CACNB2: variants seen among roughly 807,000 people sequenced by gnomAD.
CACNB2 encodes the protein voltage-dependent L-type calcium channel subunit beta-2.
In CACNB2, 42 loss-of-function variants were observed where a neutral mutation model predicts 73.3. The observed-to-expected ratio is 0.57, with a 90% confidence interval of 0.45 to 0.74. The LOEUF is 0.74. Ranked by LOEUF, CACNB2 falls within the 30% of genes least tolerant of loss-of-function variation. The pLI, the probability that CACNB2 is intolerant of heterozygous loss-of-function variation, is 0.00. For missense variants in CACNB2, 940 were observed against 853.0 expected (o/e 1.10, Z -1.27); for synonymous variants, 348 against 310.3 (o/e 1.12, Z -1.28).
At chr10:18,399,592 A>AG (rs2043887256) in intron 2 of CACNB2, among the ~76,000 whole-genome samples, 1 of 152,138 alleles carries the variant, frequency 6.6e-6, no homozygotes, top group South Asian at 2.1e-4. Flanking sequence ...TATGTTGCCC[A>AG]GGCTGGTCTC....
intron 2 of CACNB2, among the ~76,000 whole-genome samples, chr10:18,350,955 A>G (rs950541064): frequency 2.0e-5 from 3 of 152,122 alleles, no homozygotes; most frequent in African/African-American, 7.2e-5. Context: ...TTCTCTAAAC[A>G]AGTAACTTTT....
chr10:18,516,718 C>G (rs1338911738), intron 7 of CACNB2, among the ~76,000 whole-genome samples: 1 of 152,096 alleles, frequency 6.6e-6, no homozygotes, highest in Non-Finnish European at 1.5e-5. Context: ...AAACAACAGC[C>G]TGAGATTCAA....
chr10:18,368,524 G>A (rs951062253), intron 2 of CACNB2, among the ~76,000 whole-genome samples: 1 of 152,100 alleles, frequency 6.6e-6, no homozygotes, highest in Non-Finnish European at 1.5e-5. Flanking sequence ...AACTATTTAA[G>A]AGTTGCATTT....
At chr10:18,204,423 T>C (rs1383770765) in intron 2 of CACNB2, among the ~76,000 whole-genome samples, 2 of 152,260 alleles carry the variant, frequency 1.3e-5, no homozygotes, top group Non-Finnish European at 2.9e-5. Flanking sequence ...ATTGTGCCTT[T>C]GTTAACCAGG....
rs577163890 is a variant in CACNB2 at position 18,218,948 on chromosome 10, G to C, written c.213+67973G>C. Among the ~76,000 whole-genome samples the C allele has an allele frequency of 5.9e-5, 9 of 152,320 alleles. No homozygotes were observed. In the East Asian group the frequency reaches 9.6e-4, roughly 16 times the overall value. On this transcript the variant is annotated intron_variant, in intron 2 of 13. Transcript: ENST00000324631. ...GTAGGCTGAAGCAGAAGGATCTCTT[G>C]AGCCCAGGAGTTTAAGACCGGCCTG...
At chr10:18,454,667 G>T (rs948544043) in intron 3 of CACNB2, among the ~76,000 whole-genome samples, 6 of 152,194 alleles carry the variant, frequency 3.9e-5, no homozygotes, top group Non-Finnish European at 8.8e-5. Context: ...AATGTCAATG[G>T]ACTGTGTAGT....
chr10:18,485,914 ATTT>A (rs11317567), intron 3 of CACNB2, among the ~76,000 whole-genome samples: 21 of 138,502 alleles, frequency 1.5e-4, no homozygotes, highest in African/African-American at 3.7e-4. Context: ...GATCTGGGTC[ATTT>A]TTTTTTTTTT....
chr10:18,533,693 T>C (rs1369210105), intron 10 of CACNB2, among the ~76,000 whole-genome samples: 1 of 152,212 alleles, frequency 6.6e-6, no homozygotes, highest in Non-Finnish European at 1.5e-5. Flanking sequence ...AAACCTGTCA[T>C]GGTTGCTAAT....
At chr10:18,329,746 T>A (rs1359347150) in intron 2 of CACNB2, among the ~76,000 whole-genome samples, 1 of 152,310 alleles carries the variant, frequency 6.6e-6, no homozygotes, top group African/African-American at 2.4e-5. Flanking sequence ...CGTTTTATAG[T>A]ACTTTTATCC....
chr10:18,303,488 G>A (rs2039608731), intron 2 of CACNB2, among the ~76,000 whole-genome samples: 1 of 152,078 alleles, frequency 6.6e-6, no homozygotes, highest in Non-Finnish European at 1.5e-5. Context: ...CTGCGTGATA[G>A]AGCAAGGCCC....
At chr10:18,310,605 C>CAAAAAAAAAAAAAAAAAAAAAAAGA (rs2039922884) in intron 2 of CACNB2, among the ~76,000 whole-genome samples, 1 of 36,860 alleles carries the variant, frequency 2.7e-5, no homozygotes, top group Non-Finnish European at 4.5e-5. Context: ...AACTCCATCT[C>CAAAAAAAAAAAAAAAAAAAAAAAGA]AAAAAAAAAA....
intron 3 of CACNB2, among the ~76,000 whole-genome samples, chr10:18,490,385 G>A (rs910898465): frequency 2.0e-5 from 3 of 152,112 alleles, no homozygotes; most frequent in East Asian, 1.9e-4. Context: ...ACGTCATGTC[G>A]AAAGTACCAG....
At chr10:18,448,503 A>T (rs1282141181) in intron 3 of CACNB2, among the ~76,000 whole-genome samples, 6 of 137,324 alleles carry the variant, frequency 4.4e-5, no homozygotes, top group African/African-American at 1.6e-4. Context: ...AAAAAAAAAG[A>T]AAAGAAAAGA....
intron 2 of CACNB2, among the ~76,000 whole-genome samples, chr10:18,208,611 C>CA (rs1564344504): frequency 6.6e-6 from 1 of 151,752 alleles, no homozygotes; most frequent in African/African-American, 2.4e-5. Flanking sequence ...GACCCTGTCT[C>CA]AAAAAAATAA....
chr10:18,482,801 C>G (rs1185746985), intron 3 of CACNB2, among the ~76,000 whole-genome samples: 5 of 152,002 alleles, frequency 3.3e-5, no homozygotes, highest in Non-Finnish European at 4.4e-5. Flanking sequence ...GATGAGCCAC[C>G]ACGCCAGGCC....
chr10:18,185,989 G>C (rs956518221), intron 2 of CACNB2, among the ~76,000 whole-genome samples: 7 of 152,144 alleles, frequency 4.6e-5, no homozygotes, highest in African/African-American at 1.7e-4. Context: ...GTTACTCAAA[G>C]AAAGCTTCTT....
Position 18,527,711 on chromosome 10 carries a change from A to G in CACNB2, c.1054+14A>G. 2.0e-6 allele frequency: 3 copies of G among 1,527,412 alleles called. No homozygotes were observed. Among genetic ancestry groups the G allele is most frequent in the Admixed American group, 1.7e-5 (1 of 59,916 alleles). 94.6% of individuals were successfully genotyped at this position (1,527,412 alleles called of 1,614,324 possible). On this transcript the variant is annotated intron_variant, in intron 10 of 13. Coordinates refer to ENST00000324631, the MANE Select transcript of CACNB2 (RefSeq NM_201596.3). ...GGTCAAGCTTAGGTAAGTCTGTGCA[A>G]TGAGCTTAAGCTTTTTAAACTCTCC...
chr10:18,181,524 A>C (rs1038196631), intron 2 of CACNB2, among the ~76,000 whole-genome samples: 3 of 151,368 alleles, frequency 2.0e-5, no homozygotes, highest in African/African-American at 7.3e-5. Flanking sequence ...TTTTGAAAAA[A>C]TGGCCGGTAG....
intron 2 of CACNB2, among the ~76,000 whole-genome samples, chr10:18,329,918 A>C (rs1011460111): frequency 1.3e-5 from 2 of 151,768 alleles, no homozygotes; most frequent in African/African-American, 4.8e-5. Flanking sequence ...GCTAACTGCA[A>C]CCTCCTCCAC....
Sources: allele counts gnomAD v4.1 joint callset (sites outside exome capture counted in the v4.1 genomes callset), GRCh38; gene constraint gnomAD v4.1.1; transcripts MANE v1.5; gene names NCBI Gene and HGNC (gene_info 2026-07-23, HGNC 2026-07-21).